The following ZDHHC24 variants were observed in gnomAD, a reference collection of about 807,000 sequenced individuals.
The protein encoded by ZDHHC24 is zDHHC palmitoyltransferase 24.
In ZDHHC24, 17 loss-of-function variants were observed where a neutral mutation model predicts 23.2. That is an observed-to-expected ratio of 0.73 (90% CI 0.50 to 1.10). The LOEUF (loss-of-function observed/expected upper bound fraction) is 1.10. Among genes scored for constraint, ZDHHC24 ranks in the 50% least tolerant of loss-of-function variants. The probability of loss-of-function intolerance (pLI) is 0.00; values close to 1 mark genes in which losing one functional copy is unlikely to be tolerated. For missense variants in ZDHHC24, 366 were observed against 393.0 expected (o/e 0.93, Z 0.58); for synonymous variants, 186 against 194.5 (o/e 0.96, Z 0.36).
intron 2 of ZDHHC24, chr11:66,530,003 A>C: frequency 6.4e-7 from 1 of 1,562,968 alleles, no homozygotes; most frequent in East Asian, 2.4e-5. Flanking sequence ...AGAGGCCAGG[A>C]TGCGCAGGAA....
chr11:66,531,704 G>C, downstream of ZDHHC24: 1 of 1,614,112 alleles, frequency 6.2e-7, no homozygotes, highest in Non-Finnish European at 8.5e-7. Flanking sequence ...GACCTTTGTG[G>C]AGAGTCTCAG....
downstream of ZDHHC24, chr11:66,533,012 G>C (rs538569056): frequency 3.9e-5 from 6 of 152,316 alleles, no homozygotes; most frequent in South Asian, 1.2e-3. Flanking sequence ...GAAAGGCGGG[G>C]CCTTTCTTGT....
At position 66,538,693 on chromosome 11, in the gene ZDHHC24, T is replaced by G. The variant is rs1857054710; in HGVS notation, c.*836A>C. ...AACACATGTGTTTAGGCCTGCCATG[T>G]GGAAATGGCGGTCTCTATTCATTCT... is the stretch of plus-strand genomic sequence containing the variant. On this transcript the variant is annotated 3_prime_UTR_variant, in exon 3 of 3. Coordinates refer to ENST00000310442, the MANE Select transcript of ZDHHC24 (RefSeq NM_207340.3). 6.6e-6 allele frequency: 1 copy of G among 152,258 alleles called. No individual in the cohort carries two copies. The highest frequency in any genetic ancestry group is 2.4e-5 in the African/African-American group (1 of 41,466). 9.4% of individuals were successfully genotyped at this position (152,258 alleles called of 1,614,324 possible). A position where few individuals can be genotyped will look rare whatever the true frequency, so the allele number is the denominator to read the frequency against.
At chr11:66,527,175 C>T in intron 3 of ZDHHC24, 1 of 616,840 alleles carries the variant, frequency 1.6e-6, no homozygotes, top group Non-Finnish European at 2.9e-6. Flanking sequence ...GAGTTCAAGA[C>T]CTACCTGGGT....
chr11:66,531,054 T>A (rs1349406451), downstream of ZDHHC24: 6 of 1,613,786 alleles, frequency 3.7e-6, no homozygotes, highest in South Asian at 6.6e-5. Flanking sequence ...CACTTAGATA[T>A]GGAGTGGGAA....
chr11:66,523,550 G>T, intron 4 of ZDHHC24: 1 of 1,614,150 alleles, frequency 6.2e-7, no homozygotes, highest in Non-Finnish European at 8.5e-7. Context: ...CAGCACCCAA[G>T]ACAGCCTGCA....
At chr11:66,532,682 A>AGG (rs1184188437), downstream of ZDHHC24, 1 of 153,068 alleles carries the variant, frequency 6.5e-6, no homozygotes, top group Non-Finnish European at 1.5e-5. Flanking sequence ...TTCAGGGAGA[A>AGG]GGGGGTGCAG....
rs558509183 is a variant in ZDHHC24 at position 66,545,214 on chromosome 11, A to G, written c.281+509T>C. Among the ~76,000 whole-genome samples the G allele has an allele frequency of 2.0e-4, 31 of 151,652 alleles. 2 individuals are homozygous for G. The South Asian group carries it at 5.8e-3, about 29-fold the overall frequency. Reference sequence around the variant, plus strand: ...GCCGCCATGCCCGACTAATTTTTTTATATTTTTAGTAGAGACGGGGTTTCA... The same window carrying G: ...GCCGCCATGCCCGACTAATTTTTTTGTATTTTTAGTAGAGACGGGGTTTCA... On this transcript the variant is annotated intron_variant, in intron 1 of 2. Transcript: ENST00000310442. This position sits in a 1 kb window ranked among gnomAD's most constrained non-coding sequence, Gnocchi z 4.5.
At chr11:66,529,497 A>G in intron 2 of ZDHHC24, 1 of 727,898 alleles carries the variant, frequency 1.4e-6, no homozygotes, top group Non-Finnish European at 2.5e-6. Flanking sequence ...GTCTGGGGGA[A>G]GAAGATGGAG....
chr11:66,528,040 G>A (rs1284595696), intron 3 of ZDHHC24, among the ~76,000 whole-genome samples: 1 of 152,048 alleles, frequency 6.6e-6, no homozygotes, highest in African/African-American at 2.4e-5. Flanking sequence ...TGACCAGCCT[G>A]GCCAACATGG....
rs1857276926 is a variant in ZDHHC24 at position 66,545,233 on chromosome 11, G to A, written c.281+490C>T. Among the ~76,000 whole-genome samples the A allele has an allele frequency of 6.6e-6, 1 of 152,052 alleles. No homozygotes were observed. The highest frequency in any genetic ancestry group is 1.5e-5 in the Non-Finnish European group (1 of 68,018). On this transcript the variant is annotated intron_variant, in intron 1 of 2. Coordinates refer to ENST00000310442, the MANE Select transcript of ZDHHC24 (RefSeq NM_207340.3). This position sits in a 1 kb window ranked among gnomAD's most constrained non-coding sequence, Gnocchi z 4.5. Reference sequence around the variant, plus strand: ...TTTTTTATATTTTTAGTAGAGACGGGGTTTCACCACGTTGGCTAGGCTGGT... The same window carrying A: ...TTTTTTATATTTTTAGTAGAGACGGAGTTTCACCACGTTGGCTAGGCTGGT...
chr11:66,529,778 C>T lies in ZDHHC24; in HGVS notation c.560-290G>A, dbSNP rs1439364517. 11 of 1,607,102 alleles carry T rather than the reference C, an allele frequency of 6.8e-6. No homozygotes were observed. The Admixed American group carries it at 1.3e-4, about 19-fold the overall frequency. ...CCCGTTGCTGCCTCCTCCCTGCCAC[C>T]CCCCACCTCCACCGTCAGCCTCTGG... On this transcript the variant is annotated intron_variant, in intron 2 of 4. Transcript: ENST00000526986.
intron 4 of ZDHHC24, chr11:66,523,326 A>C: frequency 7.6e-7 from 1 of 1,324,360 alleles, no homozygotes. Context: ...AGTGGAAATA[A>C]TCCCAGGGTC....
rs1856500571 is a variant in ZDHHC24, at chr11:66,526,512, T to C, written c.*21+424A>G. The stretch of plus-strand genomic sequence containing the variant: ...AGACTATTAAGATGCACTTTGTTAC[T>C]TCCAGAAACAGTCTCGTCTGGAAGA... On this transcript the variant is annotated intron_variant, in intron 4 of 4. Coordinates refer to the ZDHHC24 transcript ENST00000526986. The C allele has an allele frequency of 1.2e-5, 13 of 1,105,008 alleles. No individual in the cohort carries two copies. The South Asian group carries it at 1.7e-4, about 14-fold the overall frequency. The allele number at this position is 1,105,008 out of a possible 1,614,324, so 68.5% of individuals were successfully genotyped here.
In ZDHHC24 at chr11:66,539,732, C is replaced by T. The variant is rs1414595609; in HGVS notation, c.652G>A (p.Gly218Arg). The T allele has an allele frequency of 1.9e-6, 3 of 1,613,122 alleles. No homozygotes were observed. The East Asian group carries it at 6.7e-5, about 36-fold the overall frequency. Residue 218 changes from glycine to arginine, a missense_variant, in exon 3 of 3, where the codon GGG (glycine) becomes AGG (arginine). Transcript: ENST00000310442. ...GTCTGGCCCCGCAGCAGCAGCATCCCATGGAAGAGCAGCCCAGCCCCGCAC... is the reference window on the plus strand; with the variant it reads ...GTCTGGCCCCGCAGCAGCAGCATCCTATGGAAGAGCAGCCCAGCCCCGCAC... ...LLCGAGLLFH[G>R]MLLLRGQTTW...
chr11:66,524,297 G>A (rs574111512), intron 4 of ZDHHC24: 15 of 332,452 alleles, frequency 4.5e-5, no homozygotes, highest in Non-Finnish European at 8.8e-5. Context: ...AAAAAAATGT[G>A]TTGAGCACCT....
chr11:66,526,665 C>G (rs774005906), intron 4 of ZDHHC24: 1 of 1,614,204 alleles, frequency 6.2e-7, no homozygotes, highest in Non-Finnish European at 8.5e-7. Context: ...GCCTGATCAT[C>G]AAGATCCTGA....
At chr11:66,541,990 G>A (rs144802151) in intron 2 of ZDHHC24, among the ~76,000 whole-genome samples, 359 of 152,034 alleles carry the variant, frequency 2.4e-3, no homozygotes, top group Non-Finnish European at 3.5e-3. Context: ...AGAAGGCCTG[G>A]CCTGCAGGAG....
chr11:66,526,046 G>A, intron 4 of ZDHHC24: 1 of 1,304,328 alleles, frequency 7.7e-7, no homozygotes, highest in East Asian at 2.3e-5. Context: ...TTATATCTGG[G>A]GCCTCCCCTA....
Sources: allele counts gnomAD v4.1 joint callset (sites outside exome capture counted in the v4.1 genomes callset), GRCh38; gene constraint gnomAD v4.1.1; non-coding constraint Gnocchi (gnomAD v3.1); transcripts MANE v1.5; gene names NCBI Gene and HGNC (gene_info 2026-07-23, HGNC 2026-07-21).